Variants in CEPT1 observed in about 807,000 individuals in gnomAD.
CEPT1 encodes choline/ethanolaminephosphotransferase 1.
CEPT1 carries 7 observed loss-of-function variants against 42.6 expected under a neutral mutation model. The observed-to-expected ratio is 0.16, with a 90% CI of 0.09 to 0.31. The LOEUF (loss-of-function observed/expected upper bound fraction) is 0.31. Among genes scored for constraint, CEPT1 ranks in the 10% least tolerant of loss-of-function variants. The probability of loss-of-function intolerance (pLI) is 1.00; values close to 1 mark genes in which losing one functional copy is unlikely to be tolerated. For synonymous variants in CEPT1, 171 were observed against 171.9 expected (o/e 0.99, Z 0.04); for missense variants, 306 against 502.1 (o/e 0.61, Z 3.73).
At chr1:111,164,672 G>A (rs1215850703) in intron 4 of CEPT1, among the ~76,000 whole-genome samples, 1 of 142,804 alleles carries the variant, frequency 7.0e-6, no homozygotes, top group Non-Finnish European at 1.5e-5. Context: ...TTCCCAGGCT[G>A]GAGTGTAGTG....
intron 4 of CEPT1, among the ~76,000 whole-genome samples, chr1:111,164,767 C>T (rs1001991780): frequency 6.6e-6 from 1 of 151,834 alleles, no homozygotes; most frequent in Non-Finnish European, 1.5e-5. Context: ...ACTACAGGTG[C>T]GTGCTGCCAC....
chr1:111,148,429 T>C (rs1230554981), intron 2 of CEPT1, among the ~76,000 whole-genome samples: 1 of 152,118 alleles, frequency 6.6e-6, no homozygotes, highest in Non-Finnish European at 1.5e-5. Context: ...GGCATGACTG[T>C]AAACTAGCCT....
chr1:111,159,289 A>G (rs1178986246), intron 2 of CEPT1, 91 bp from the exon 3 acceptor site: 1 of 1,235,764 alleles, frequency 8.1e-7, no homozygotes, highest in Non-Finnish European at 1.2e-6. Flanking sequence ...ATAGCTTCCA[A>G]CTAGCTTTCC....
Position 111,161,228 on chromosome 1 carries a change from T to C in CEPT1, c.561T>C (p.Phe187=). The C allele has an allele frequency of 1.2e-6, 2 of 1,614,120 alleles. No homozygotes were observed. Among genetic ancestry groups the C allele is most frequent in the Non-Finnish European group, 1.7e-6 (2 of 1,179,982 alleles). ...TNPDWMFFCC[F]AGTFMFYCAH... Reference sequence around the variant, plus strand: ...CTGATTGGATGTTTTTTTGTTGTTTTGCGGGGACATTTATGTTCTATTGTG... The same window carrying C: ...CTGATTGGATGTTTTTTTGTTGTTTCGCGGGGACATTTATGTTCTATTGTG... Residue 187 remains phenylalanine, a synonymous_variant, in exon 4 of 9, where the codon TTT becomes TTC. Transcript: ENST00000357172.
intron 8 of CEPT1, among the ~76,000 whole-genome samples, 191 bp downstream of exon 8, chr1:111,183,778 C>A (rs1657114685): frequency 1.3e-5 from 2 of 152,146 alleles, no homozygotes; most frequent in Admixed American, 1.3e-4. Flanking sequence ...TTGCATTAAT[C>A]TTACTAGTCC....
intron 5 of CEPT1, among the ~76,000 whole-genome samples, chr1:111,175,442 C>G (rs1353540342): frequency 2.0e-5 from 3 of 152,104 alleles, no homozygotes; most frequent in African/African-American, 7.2e-5. Flanking sequence ...CCTTGATTTC[C>G]AGGTCTACCT....
rs183542932 is a variant in CEPT1 at position 111,159,544 on chromosome 1, T to A, written c.487+17T>A. 3.8e-4 allele frequency: 601 copies of A among 1,599,168 alleles called. 2 individuals carry two copies. The African/African-American group carries it at 7.1e-3, about 19-fold the overall frequency. ...TATCAACAGGTATTGTTGATTTTTT[T>A]AATGTTATTGATTATTAACAATGGT... On this transcript the variant is annotated intron_variant, in intron 3 of 8. Transcript: ENST00000357172.
At chr1:111,171,241 C>G (rs1430917403) in intron 4 of CEPT1, among the ~76,000 whole-genome samples, 3 of 152,272 alleles carry the variant, frequency 2.0e-5, no homozygotes, top group East Asian at 1.9e-4. Flanking sequence ...TCATAGTTAG[C>G]TAACTTACTT....
intron 2 of CEPT1, among the ~76,000 whole-genome samples, chr1:111,155,537 C>CT (rs1042383068): frequency 6.6e-6 from 1 of 150,946 alleles, no homozygotes; most frequent in Non-Finnish European, 1.5e-5. Context: ...TATATATTCA[C>CT]TTTTTTGGGG....
intron 4 of CEPT1, among the ~76,000 whole-genome samples, chr1:111,165,376 T>G (rs1007777893): frequency 6.6e-6 from 1 of 151,696 alleles, no homozygotes; most frequent in Non-Finnish European, 1.5e-5. Context: ...AAAAAAAAAA[T>G]CTATGCTGTA....
At chr1:111,173,207 C>T (rs1224737749) in intron 4 of CEPT1, 3 of 152,240 alleles carry the variant, frequency 2.0e-5, no homozygotes, top group Admixed American at 2.0e-4. Context: ...TGCTTAGTCT[C>T]CTGAATCTGC....
chr1:111,162,174 C>T (rs747590207), intron 4 of CEPT1, among the ~76,000 whole-genome samples: 3 of 152,054 alleles, frequency 2.0e-5, no homozygotes, highest in Non-Finnish European at 2.9e-5. Context: ...TTTTGCAGGA[C>T]CTAAAGCAGG....
chr1:111,183,107 T>G (rs1045744622), intron 7 of CEPT1, 150 bp downstream of exon 7: 90 of 812,576 alleles, frequency 1.1e-4, no homozygotes, highest in Middle Eastern at 3.8e-4. Flanking sequence ...GGAACTATTT[T>G]TACTCTTTTG....
At chr1:111,152,373 A>G (rs1366151700) in intron 2 of CEPT1, among the ~76,000 whole-genome samples, 1 of 152,212 alleles carries the variant, frequency 6.6e-6, no homozygotes, top group Non-Finnish European at 1.5e-5. Flanking sequence ...AGAGTGGCAT[A>G]AAACAAAAAG....
chr1:111,160,952 G>GAA (rs1366908699), intron 3 of CEPT1: 1 of 515,714 alleles, frequency 1.9e-6, no homozygotes. Flanking sequence ...AAGTGATTTG[G>GAA]TAAAAAAAAA....
intron 5 of CEPT1, among the ~76,000 whole-genome samples, chr1:111,177,225 T>G (rs1280130869): frequency 6.6e-6 from 1 of 152,222 alleles, no homozygotes; most frequent in Non-Finnish European, 1.5e-5. Context: ...TATTACCCTT[T>G]GTGGGTGTAC....
intron 2 of CEPT1, among the ~76,000 whole-genome samples, chr1:111,152,795 C>T (rs1655352264): frequency 6.6e-6 from 1 of 152,064 alleles, no homozygotes; most frequent in Non-Finnish European, 1.5e-5. Context: ...TAATAAAACT[C>T]ATATTGTACC....
At chr1:111,176,006 T>C (rs998863087) in intron 5 of CEPT1, among the ~76,000 whole-genome samples, 1 of 152,200 alleles carries the variant, frequency 6.6e-6, no homozygotes, top group Non-Finnish European at 1.5e-5. Context: ...TAACTCACTT[T>C]ATGATGGAAA....
chr1:111,163,492 C>T (rs1213899159), intron 4 of CEPT1, among the ~76,000 whole-genome samples: 2 of 151,836 alleles, frequency 1.3e-5, no homozygotes, highest in East Asian at 1.9e-4. Context: ...TAGCCAAGCA[C>T]GGTGGCGCAT....
Sources: allele counts gnomAD v4.1 joint callset (sites outside exome capture counted in the v4.1 genomes callset), GRCh38; gene constraint gnomAD v4.1.1; transcripts MANE v1.5; gene names NCBI Gene and HGNC (gene_info 2026-07-23, HGNC 2026-07-21).